CPEB4: variants seen among roughly 807,000 people sequenced by gnomAD.
CPEB4 encodes cytoplasmic polyadenylation element binding protein 4.
A neutral mutation model predicts 72.5 loss-of-function variants in CPEB4; 12 were observed. That is an observed-to-expected ratio of 0.17 (90% CI 0.11 to 0.27). CPEB4 has a LOEUF of 0.27. Ranked by LOEUF, CPEB4 falls within the 10% of genes least tolerant of loss-of-function variation. The probability of loss-of-function intolerance (pLI) is 1.00; values close to 1 mark genes in which losing one functional copy is unlikely to be tolerated. For synonymous variants in CPEB4, 302 were observed against 326.3 expected (o/e 0.93, Z 0.80); for missense variants, 614 against 908.5 (o/e 0.68, Z 4.17).
intron 3 of CPEB4, among the ~76,000 whole-genome samples, chr5:173,934,987 A>T (rs1757571420): frequency 6.6e-6 from 1 of 152,156 alleles, no homozygotes; most frequent in South Asian, 2.1e-4. Context: ...TGTATTGCAA[A>T]TCTGGCATAA....
intron 2 of CPEB4, among the ~76,000 whole-genome samples, chr5:173,925,809 C>T (rs1757223949): frequency 6.6e-6 from 1 of 152,098 alleles, no homozygotes; most frequent in South Asian, 2.1e-4. Context: ...TTAGCAGGAG[C>T]AGAGGTAGGA....
At chr5:173,953,999 T>G (rs1334833449) in intron 9 of CPEB4, among the ~76,000 whole-genome samples, 2 of 152,142 alleles carry the variant, frequency 1.3e-5, no homozygotes, top group Non-Finnish European at 2.9e-5. Context: ...CAATGTTTGG[T>G]CCAGCTGGCG....
chr5:173,960,395 T>G lies in CPEB4; in HGVS notation c.*4258T>G, dbSNP rs1016039613. 2.6e-5 allele frequency: 4 copies of G among 152,678 alleles called. No homozygotes were observed. Among genetic ancestry groups the G allele is most frequent in the Non-Finnish European group, 4.4e-5 (3 of 68,038 alleles). 9.5% of individuals were successfully genotyped at this position (152,678 alleles called of 1,614,324 possible). A position where few individuals can be genotyped will look rare whatever the true frequency, so the allele number is the denominator to read the frequency against. The stretch of plus-strand genomic sequence containing the variant: ...ATGTAACATTTTAAAATATTAGGAA[T>G]ATACTGTTCAGCTAATGCAGCACAA... On this transcript the variant is annotated 3_prime_UTR_variant, in exon 10 of 10. Coordinates refer to ENST00000265085, the MANE Select transcript of CPEB4 (RefSeq NM_030627.4).
intron 1 of CPEB4, among the ~76,000 whole-genome samples, chr5:173,897,275 T>C (rs141420793): frequency 1.3e-5 from 2 of 152,328 alleles, no homozygotes; most frequent in East Asian, 3.9e-4. Context: ...GTTGTTTTAT[T>C]AAGAACTTTA....
intron 5 of CPEB4, among the ~76,000 whole-genome samples, chr5:173,945,601 A>G (rs1757991091): frequency 6.6e-6 from 1 of 152,260 alleles, no homozygotes; most frequent in African/African-American, 2.4e-5. Context: ...GGATAATCTT[A>G]CTTAAGGTAG....
Position 173,892,015 on chromosome 5 carries a change from C to T in CPEB4, c.1125+1157C>T, listed in dbSNP as rs549744434. Among the ~76,000 whole-genome samples the T allele has an allele frequency of 3.3e-5, 5 of 151,596 alleles. No homozygotes were observed. In the South Asian group the frequency reaches 8.3e-4, roughly 25 times the overall value. Reference sequence around the variant, plus strand: ...CAAGGATTGAAAATATGTATACATACATGTGTGCACGTACACATGTGCTAC... The same window carrying T: ...CAAGGATTGAAAATATGTATACATATATGTGTGCACGTACACATGTGCTAC... On this transcript the variant is annotated intron_variant, in intron 1 of 9. Transcript: ENST00000265085.
At chr5:173,904,531 T>TAAA (rs1756354287) in intron 1 of CPEB4, among the ~76,000 whole-genome samples, 13 of 152,204 alleles carry the variant, frequency 8.5e-5, no homozygotes, top group African/African-American at 2.9e-4. Flanking sequence ...AGGTAATATT[T>TAAA]GTATAAGTAA....
chr5:173,920,209 T>A (rs1263297569), intron 2 of CPEB4, among the ~76,000 whole-genome samples: 2 of 152,180 alleles, frequency 1.3e-5, no homozygotes, highest in African/African-American at 4.8e-5. Flanking sequence ...TTAAGAACAT[T>A]AGTGGAACTC....
At chr5:173,919,801 A>G (rs1181665364) in intron 2 of CPEB4, among the ~76,000 whole-genome samples, 1 of 152,190 alleles carries the variant, frequency 6.6e-6, no homozygotes, top group East Asian at 1.9e-4. Flanking sequence ...CCACAGAATT[A>G]TTACTTCCCA....
At chr5:173,894,674 T>G (rs962172398) in intron 1 of CPEB4, among the ~76,000 whole-genome samples, 18 of 151,806 alleles carry the variant, frequency 1.2e-4, no homozygotes, top group Admixed American at 5.9e-4. Flanking sequence ...ATGTTTTACA[T>G]GTATTGATTC....
intron 2 of CPEB4, among the ~76,000 whole-genome samples, chr5:173,926,150 T>A (rs2113220603): frequency 6.6e-6 from 1 of 152,354 alleles, no homozygotes. Context: ...TTGGTGTTTG[T>A]GTGTTTGAAA....
chr5:173,888,787 G>A lies in CPEB4; in HGVS notation c.-947G>A, dbSNP rs2113105334. Reference sequence around the variant, plus strand: ...GAAAAAAACCCCGGAGCCGCAGAGAGGGGAAGAGGCAGAAACCGCAGGACC... The same window carrying A: ...GAAAAAAACCCCGGAGCCGCAGAGAAGGGAAGAGGCAGAAACCGCAGGACC... On this transcript the variant is annotated 5_prime_UTR_variant, in exon 1 of 10. Transcript: ENST00000265085. The surrounding 1 kb of genome is among the most constrained non-coding windows in gnomAD (Gnocchi z 4.3). 5.5e-6 allele frequency: 2 copies of A among 366,854 alleles called. No homozygotes were observed. Among genetic ancestry groups the A allele is most frequent in the Non-Finnish European group, 9.7e-6 (2 of 206,748 alleles). The allele number at this position is 366,854 out of a possible 1,614,324, so 22.7% of individuals were successfully genotyped here.
chr5:173,937,019 CTTTT>C (rs150187685), intron 3 of CPEB4, among the ~76,000 whole-genome samples: 7 of 97,226 alleles, frequency 7.2e-5, no homozygotes, highest in Admixed American at 2.2e-4. Flanking sequence ...CATTTCTTTC[CTTTT>C]TTTTTTTTTT....
intron 1 of CPEB4, among the ~76,000 whole-genome samples, chr5:173,905,082 T>C (rs1449880726): frequency 6.6e-6 from 1 of 151,478 alleles, no homozygotes; most frequent in Non-Finnish European, 1.5e-5. Context: ...CCTAGAATAA[T>C]ATCAGGTGCT....
chr5:173,924,970 C>G (rs1351374720), intron 2 of CPEB4, among the ~76,000 whole-genome samples: 2 of 152,154 alleles, frequency 1.3e-5, no homozygotes, highest in African/African-American at 4.8e-5. Flanking sequence ...AGAGGGTTAT[C>G]TGAATCAAAG....
At chr5:173,926,684 G>A (rs2113221844) in intron 2 of CPEB4, among the ~76,000 whole-genome samples, 1 of 152,252 alleles carries the variant, frequency 6.6e-6, no homozygotes, top group African/African-American at 2.4e-5. Flanking sequence ...TTAAGATTAG[G>A]GCTGCTGACC....
At chr5:173,931,672 A>G (rs1757452085) in intron 2 of CPEB4, among the ~76,000 whole-genome samples, 1 of 152,216 alleles carries the variant, frequency 6.6e-6, no homozygotes, top group Non-Finnish European at 1.5e-5. Flanking sequence ...TTTGTAGTGT[A>G]GATAACTCAA....
chr5:173,917,987 T>A (rs1756936307), intron 2 of CPEB4, among the ~76,000 whole-genome samples: 1 of 152,188 alleles, frequency 6.6e-6, no homozygotes, highest in Admixed American at 6.6e-5. Context: ...CAAAGTAGCG[T>A]AACAGGGGAG....
In CPEB4 at chr5:173,961,259, T is replaced by C. The variant is rs1274246326; in HGVS notation, c.*5122T>C. The C allele has an allele frequency of 6.6e-6, 1 of 152,152 alleles. No individual in the cohort carries two copies. Among genetic ancestry groups the C allele is most frequent in the Non-Finnish European group, 1.5e-5 (1 of 68,034 alleles). 9.4% of individuals were successfully genotyped at this position (152,152 alleles called of 1,614,324 possible). ...AACCCCAGGGATGGGACACTGGAGA[T>C]GTGGGTGGCATTTGGTTATCAAGTC... On this transcript the variant is annotated 3_prime_UTR_variant, in exon 10 of 10. Coordinates refer to ENST00000265085, the MANE Select transcript of CPEB4 (RefSeq NM_030627.4).
Sources: gnomAD v4.1 joint callset for allele counts (sites outside exome capture counted in the v4.1 genomes callset) on GRCh38, gnomAD v4.1.1 for gene constraint, Gnocchi (gnomAD v3.1) non-coding constraint, MANE v1.5 for transcripts, NCBI Gene and HGNC (gene_info 2026-07-23, HGNC 2026-07-21) for gene names.